Variants in MS4A10 observed in about 807,000 individuals in gnomAD.
The protein encoded by MS4A10 is membrane spanning 4-domains A10, also known as membrane-spanning 4-domains subfamily A member 10.
MS4A10 carries 27 observed loss-of-function variants against 27.7 expected under a neutral mutation model. That is an observed-to-expected ratio of 0.98 (90% CI 0.72 to 1.35). The LOEUF is 1.35. Ranked by LOEUF, MS4A10 falls within the 40% of genes most tolerant of loss-of-function variation. MS4A10 has a pLI of 0.00. For missense variants in MS4A10, 338 were observed against 324.7 expected, an observed-to-expected ratio of 1.04 and a Z score of -0.32; for synonymous variants, 139 against 131.2, an observed-to-expected ratio of 1.06 and a Z score of -0.41.
rs1854515075 is a variant in MS4A10, at chr11:60,795,623, C to A, written c.561C>A (p.Pro187=). The A allele has an allele frequency of 1.3e-6, 2 of 1,594,972 alleles. No individual in the cohort carries two copies. The highest frequency in any genetic ancestry group is 1.1e-5 in the South Asian group (1 of 87,980). ...TCCTAGAGCTCTTCCTGCCAGTGCCCACAGCTGTCACAGCCTGGAGAGGGG... is the reference window on the plus strand; with the variant it reads ...TCCTAGAGCTCTTCCTGCCAGTGCCAACAGCTGTCACAGCCTGGAGAGGGG... ...FTVLELFLPV[P]TAVTAWRGDC... The change falls in exon 6 of 8, where the codon CCC becomes CCA. Residue 187 remains proline, a synonymous_variant. Transcript: ENST00000308287.
chr11:60,788,136 TC>T (rs1406522016), intron 1 of MS4A10, among the ~76,000 whole-genome samples: 6 of 151,914 alleles, frequency 3.9e-5, no homozygotes, highest in African/African-American at 1.5e-4. Flanking sequence ...AATCTCAGAG[TC>T]TTTAATATGA....
At position 60,800,849 on chromosome 11, in the gene MS4A10, T is replaced by G. The variant is rs545196; in HGVS notation, c.*940T>G. The G allele has an allele frequency of 6.8e-6, 1 of 147,682 alleles. No individual in the cohort carries two copies. Among genetic ancestry groups the G allele is most frequent in the African/African-American group, 2.5e-5 (1 of 39,834 alleles). 9.1% of individuals were successfully genotyped at this position (147,682 alleles called of 1,614,324 possible). On this transcript the variant is annotated 3_prime_UTR_variant, in exon 8 of 8. Coordinates refer to ENST00000308287, the MANE Select transcript of MS4A10 (RefSeq NM_206893.4). The stretch of plus-strand genomic sequence containing the variant: ...CACTCTGTCACCCAGGCTGGAGTGC[T>G]GTGGTGCAATCTCGGCTCACTGCAA...
chr11:60,798,448 C>G lies in MS4A10; in HGVS notation c.656C>G (p.Pro219Arg). The G allele has an allele frequency of 6.2e-7, 1 of 1,614,050 alleles. No individual in the cohort carries two copies. The highest frequency in any genetic ancestry group is 8.5e-7 in the Non-Finnish European group (1 of 1,179,978). Reference protein sequence around the residue: ...PNTPLHLKGLPVEPPPSYQSV... With the variant: ...PNTPLHLKGLRVEPPPSYQSV... ...ACACCATTGCATCTCAAAGGCCTGC[C>G]GGTGGAGCCCCCGCCATCCTACCAG... The change falls in exon 7 of 8, where the codon CCG becomes CGG. Residue 219 changes from proline (P) to arginine (R), a missense_variant. Pro to Arg is a moderately radical substitution (Grantham distance 103, BLOSUM62 -2). Transcript: ENST00000308287.
chr11:60,786,802 T>C (rs969131814), intron 1 of MS4A10, among the ~76,000 whole-genome samples: 7 of 152,186 alleles, frequency 4.6e-5, no homozygotes, highest in African/African-American at 1.4e-4. Context: ...CGCCAGTCCC[T>C]GTCAGTTGCA....
At position 60,787,950 on chromosome 11, in the gene MS4A10, G is replaced by C. The variant is rs141331392; in HGVS notation, c.-22-2364G>C. The stretch of plus-strand genomic sequence containing the variant: ...GAGAATCACTTGAACCCGGGAGGCG[G>C]AGGTTGCGGTGAGCCAAGATTACGC... On this transcript the variant is annotated intron_variant, in intron 1 of 7. Transcript: ENST00000308287. 7.8e-4 allele frequency among the ~76,000 whole-genome samples: 119 copies of C among 152,262 alleles called. No individual in the cohort carries two copies. The East Asian group carries it at 0.017, about 21-fold the overall frequency.
chr11:60,795,679 T>C lies in MS4A10; in HGVS notation c.603+14T>C. 2 of 1,526,872 alleles carry C rather than the reference T, an allele frequency of 1.3e-6. 1 individual carries two copies. The highest frequency in any genetic ancestry group is 2.6e-5 in the South Asian group (2 of 77,686). 94.6% of individuals were successfully genotyped at this position (1,526,872 alleles called of 1,614,324 possible). On this transcript the variant is annotated intron_variant, in intron 6 of 7. Coordinates refer to ENST00000308287, the MANE Select transcript of MS4A10 (RefSeq NM_206893.4). ...CCATCTGCAAAGGTAAGACAAGGGCTTGTCTTCCCAGGAAGACAAAAAATG... is the reference window on the plus strand; with the variant it reads ...CCATCTGCAAAGGTAAGACAAGGGCCTGTCTTCCCAGGAAGACAAAAAATG...
intron 1 of MS4A10, among the ~76,000 whole-genome samples, chr11:60,789,367 T>A (rs947436775): frequency 6.6e-6 from 1 of 152,172 alleles, no homozygotes. Flanking sequence ...AAAGACTACG[T>A]TGGATTTTCT....
chr11:60,794,508 T>C (rs1438341518), intron 5 of MS4A10, among the ~76,000 whole-genome samples: 2 of 152,144 alleles, frequency 1.3e-5, no homozygotes, highest in South Asian at 2.1e-4. Flanking sequence ...CAAGTCCACT[T>C]TGTTACCCTC....
chr11:60,799,387 G>GT lies in MS4A10; in HGVS notation c.723-433dup, dbSNP rs1367929021. ...TATTTGTGAGCTGCAATGTATTCTG[G>GT]TTTTTTTTCCACACTGATTCTTTTT... On this transcript the variant is annotated intron_variant, in intron 7 of 7. Coordinates refer to ENST00000308287, the MANE Select transcript of MS4A10 (RefSeq NM_206893.4). Among the ~76,000 whole-genome samples the GT allele has an allele frequency of 4.5e-4, 69 of 152,142 alleles. No individual in the cohort carries two copies. In the Middle Eastern group the frequency reaches 0.01, roughly 22 times the overall value.
In MS4A10 at chr11:60,790,347, A is replaced by G; in HGVS notation, c.12A>G (p.Glu4=). The G allele has an allele frequency of 6.2e-7, 1 of 1,614,058 alleles. No individual in the cohort carries two copies. The highest frequency in any genetic ancestry group is 1.7e-5 in the Admixed American group (1 of 60,018). The change falls in exon 2 of 8, where the codon GAA becomes GAG. Residue 4 remains glutamate, a synonymous_variant. Coordinates refer to ENST00000308287, the MANE Select transcript of MS4A10 (RefSeq NM_206893.4). ...CCCATCCAGCATCAATGAAAGCAGA[A>G]GCCACAGTTATTCCCAGCCGTTGTG... The part of the protein sequence containing the change: MKA[E]ATVIPSRCAR...
chr11:60,790,364 G>T lies in MS4A10; in HGVS notation c.29G>T (p.Ser10Ile), dbSNP rs1379926851. Residue 10 changes from serine (S) to isoleucine (I), a missense_variant, in exon 2 of 8, where the codon AGC becomes ATC. Coordinates refer to ENST00000308287, the MANE Select transcript of MS4A10 (RefSeq NM_206893.4). ...AAAGCAGAAGCCACAGTTATTCCCA[G>T]CCGTTGTGCTAGGGGGCTCCCATCA... MKAEATVIP[S>I]RCARGLPSWQ... is the part of the protein sequence containing the mutation. 7.4e-6 allele frequency: 12 copies of T among 1,614,050 alleles called. No homozygotes were observed. In the East Asian group the frequency reaches 2.7e-4, roughly 36 times the overall value.
chr11:60,788,705 G>A (rs1854378166), intron 1 of MS4A10, among the ~76,000 whole-genome samples: 1 of 152,216 alleles, frequency 6.6e-6, no homozygotes, highest in African/African-American at 2.4e-5. Context: ...CCAGGAAAGA[G>A]GGAGACCCTC....
intron 3 of MS4A10, 72 bp from the exon 4 acceptor site, chr11:60,792,193 G>A: frequency 1.7e-6 from 2 of 1,165,224 alleles, no homozygotes; most frequent in Non-Finnish European, 2.6e-6. Flanking sequence ...GGAGAATAGG[G>A]GTGGGGGTGG....
intron 3 of MS4A10, 26 bp downstream of exon 3, chr11:60,791,119 G>T: frequency 1.2e-6 from 2 of 1,612,350 alleles, no homozygotes; most frequent in South Asian, 1.1e-5. Flanking sequence ...AACACAGACC[G>T]GGTGTGGGAG....
chr11:60,794,151 C>T, intron 5 of MS4A10, 48 bp downstream of exon 5: 1 of 1,609,624 alleles, frequency 6.2e-7, no homozygotes, highest in Non-Finnish European at 8.5e-7. Flanking sequence ...GAAGGTGCTG[C>T]CTTGGATTTG....
intron 4 of MS4A10, among the ~76,000 whole-genome samples, chr11:60,793,163 G>A (rs1323863020): frequency 6.6e-6 from 1 of 152,160 alleles, no homozygotes; most frequent in African/African-American, 2.4e-5. Context: ...TGGCTAGGCT[G>A]TGGTTGCTCC....
In MS4A10 at chr11:60,785,430, T is replaced by TC. The variant is rs979345155; in HGVS notation, c.-23+15dup. The TC allele has an allele frequency of 6.6e-6, 1 of 152,072 alleles. No homozygotes were observed. The highest frequency in any genetic ancestry group is 1.9e-4 in the East Asian group (1 of 5,176). 9.4% of individuals were successfully genotyped at this position (152,072 alleles called of 1,614,324 possible). On this transcript the variant is annotated intron_variant, in intron 1 of 7. Transcript: ENST00000308287. ...CAGTCCCAGGTCCTGGGGTGAGTGG[T>TC]CCCCCCATGGCAGGAACAGAGGGGA...
At chr11:60,788,534 C>T (rs1371307589) in intron 1 of MS4A10, among the ~76,000 whole-genome samples, 2 of 152,208 alleles carry the variant, frequency 1.3e-5, no homozygotes, top group African/African-American at 2.4e-5. Context: ...CCTCTGCCAC[C>T]GAATACATCC....
At chr11:60,794,176 T>C in intron 5 of MS4A10, 73 bp downstream of exon 5, 1 of 1,584,360 alleles carries the variant, frequency 6.3e-7, no homozygotes, top group Non-Finnish European at 8.6e-7. Context: ...ACAGGAGGTT[T>C]CCAGCTCACA....
Sources: gnomAD v4.1 joint callset for allele counts (sites outside exome capture counted in the v4.1 genomes callset) on GRCh38, gnomAD v4.1.1 for gene constraint, MANE v1.5 for transcripts, NCBI Gene and HGNC (gene_info 2026-07-23, HGNC 2026-07-21) for gene names.